Variants in GALNT10 observed in about 807,000 individuals in gnomAD.
GALNT10 encodes the protein GalNAc transferase 10.
GALNT10 carries 41 observed loss-of-function variants against 75.0 expected under a neutral mutation model. The ratio of observed to expected loss-of-function variants is 0.55; its 90% CI spans 0.43 to 0.71. The LOEUF is 0.71. GALNT10 is among the 30% of genes least tolerant of loss of function. The pLI is 0.00. For synonymous variants in GALNT10, 302 were observed against 313.0 expected, an observed-to-expected ratio of 0.96 and a Z score of 0.37; for missense variants, 727 against 818.5, an observed-to-expected ratio of 0.89 and a Z score of 1.36.
intron 1 of GALNT10, among the ~76,000 whole-genome samples, chr5:154,246,922 C>T (rs1193446754): frequency 1.3e-5 from 2 of 152,160 alleles, no homozygotes; most frequent in Non-Finnish European, 2.9e-5. Context: ...AGGTTTTCTT[C>T]TAGGGTTTTT....
chr5:154,349,398 A>G (rs1183210731), intron 4 of GALNT10: 1 of 152,132 alleles, frequency 6.6e-6, no homozygotes, highest in Non-Finnish European at 1.5e-5. Flanking sequence ...ATTCTGAAAT[A>G]TCAGAATTTC....
In GALNT10 at chr5:154,338,039, T is replaced by C; in HGVS notation, c.568+8301T>C. On this transcript the variant is annotated intron_variant, in intron 4 of 11. Coordinates refer to ENST00000297107, the MANE Select transcript of GALNT10 (RefSeq NM_198321.4). ...CAGTCATGATTGCAATCACTTCATT[T>C]TTCCATACTGTTCAAAATAATCTCT... 4.2e-6 allele frequency: 6 copies of C among 1,417,956 alleles called. No homozygotes were observed. The South Asian group carries it at 6.9e-5, about 16-fold the overall frequency. The allele number at this position is 1,417,956 out of a possible 1,614,324, so 87.8% of individuals were successfully genotyped here. A position where few individuals can be genotyped will look rare whatever the true frequency, so the allele number is the denominator to read the frequency against.
intron 4 of GALNT10, among the ~76,000 whole-genome samples, chr5:154,354,060 T>C (rs1755252637): frequency 6.6e-6 from 1 of 152,224 alleles, no homozygotes; most frequent in Admixed American, 6.5e-5. Context: ...TACTCTGTAT[T>C]CTAACCTACC....
chr5:154,361,674 A>C (rs1165121899), intron 4 of GALNT10, among the ~76,000 whole-genome samples: 2 of 152,264 alleles, frequency 1.3e-5, no homozygotes, highest in African/African-American at 4.8e-5. Context: ...AAGAACGTGA[A>C]AGCCTTAACA....
rs528185668 is a variant in GALNT10 at position 154,224,683 on chromosome 5, A to T, written c.159+33658A>T. 7.9e-5 allele frequency among the ~76,000 whole-genome samples: 12 copies of T among 151,968 alleles called. No individual in the cohort carries two copies. In the South Asian group the frequency reaches 1.0e-3, roughly 13 times the overall value. On this transcript the variant is annotated intron_variant, in intron 1 of 11. Coordinates refer to ENST00000297107, the MANE Select transcript of GALNT10 (RefSeq NM_198321.4). ...ATAAACAGTCATTTGATATTTATGG[A>T]GTATCTAATATGTTAATATGTGCCA... is the stretch of plus-strand genomic sequence containing the variant.
intron 4 of GALNT10, among the ~76,000 whole-genome samples, chr5:154,361,027 A>T (rs1464581103): frequency 6.6e-6 from 1 of 152,164 alleles, no homozygotes; most frequent in African/African-American, 2.4e-5. Flanking sequence ...AAGATTTATC[A>T]TTAGAGAGAA....
chr5:154,390,646 C>A (rs1024508031), intron 7 of GALNT10, among the ~76,000 whole-genome samples: 1 of 152,164 alleles, frequency 6.6e-6, no homozygotes, highest in African/African-American at 2.4e-5. Context: ...GTAAGTGTGT[C>A]CCTGGCCAGA....
Position 154,329,584 on chromosome 5 carries a change from G to C in GALNT10, c.414G>C (p.Lys138Asn). 6.2e-7 allele frequency: 1 copy of C among 1,613,846 alleles called. No homozygotes were observed. The highest frequency in any genetic ancestry group is 2.2e-5 in the East Asian group (1 of 44,874). Reference sequence around the variant, plus strand: ...TGTTTCCCTCTAGCTGCAACAGCAAGCGCTACCTGGAGACACTTCCCAACA... The same window carrying C: ...TGTTTCCCTCTAGCTGCAACAGCAACCGCTACCTGGAGACACTTCCCAACA... ...PDIRHPNCNS[K>N]RYLETLPNTS... Residue 138 changes from lysine to asparagine, a missense_variant, in exon 4 of 12, where the codon AAG (lysine) becomes AAC (asparagine). By Grantham distance (94) the Lys-to-Asn change is moderately conservative (BLOSUM62 0). Coordinates refer to ENST00000297107, the MANE Select transcript of GALNT10 (RefSeq NM_198321.4).
At chr5:154,210,432 C>G (rs1581919781) in intron 1 of GALNT10, among the ~76,000 whole-genome samples, 1 of 151,978 alleles carries the variant, frequency 6.6e-6, no homozygotes, top group East Asian at 1.9e-4. Context: ...TTGGCTAATT[C>G]TGCCTCACCC....
intron 3 of GALNT10, among the ~76,000 whole-genome samples, chr5:154,313,884 G>C (rs1347689362): frequency 6.6e-6 from 1 of 152,188 alleles, no homozygotes; most frequent in African/African-American, 2.4e-5. Flanking sequence ...TACCCACTAA[G>C]ACTCAGTTTC....
chr5:154,417,222 A>C lies in GALNT10; in HGVS notation c.*250A>C. On this transcript the variant is annotated 3_prime_UTR_variant, in exon 12 of 12. Coordinates refer to ENST00000297107, the MANE Select transcript of GALNT10 (RefSeq NM_198321.4). Reference sequence around the variant, plus strand: ...GCAGAGACTGCTTTAATCCCTGCTGACATCACGGAAAAGCAACAGAGCCTT... The same window carrying C: ...GCAGAGACTGCTTTAATCCCTGCTGCCATCACGGAAAAGCAACAGAGCCTT... 1 of 470,396 alleles carries C rather than the reference A, an allele frequency of 2.1e-6. No homozygotes were observed. The highest frequency in any genetic ancestry group is 3.8e-6 in the Non-Finnish European group (1 of 261,378). 29.1% of individuals were successfully genotyped at this position (470,396 alleles called of 1,614,324 possible).
intron 1 of GALNT10, among the ~76,000 whole-genome samples, chr5:154,210,203 CA>C (rs1775173065): frequency 6.6e-6 from 1 of 152,176 alleles, no homozygotes; most frequent in African/African-American, 2.4e-5. Context: ...CCCCTACCCA[CA>C]CTGTGCCCTC....
intron 1 of GALNT10, among the ~76,000 whole-genome samples, chr5:154,203,366 A>G (rs989520016): frequency 6.6e-6 from 1 of 152,174 alleles, no homozygotes; most frequent in Admixed American, 6.5e-5. Flanking sequence ...CACAATTTCA[A>G]GGAATTGTAT....
At chr5:154,400,656 C>A (rs1160323362) in intron 7 of GALNT10, among the ~76,000 whole-genome samples, 1 of 152,128 alleles carries the variant, frequency 6.6e-6, no homozygotes, top group African/African-American at 2.4e-5. Context: ...TATTTCACTT[C>A]TGGTAAAAGG....
chr5:154,308,496 T>G (rs1190048352), intron 3 of GALNT10, among the ~76,000 whole-genome samples: 1 of 152,174 alleles, frequency 6.6e-6, no homozygotes, highest in Non-Finnish European at 1.5e-5. Context: ...GTAACAAGAA[T>G]TGAGCTTTCC....
At chr5:154,222,958 A>G (rs1039177540) in intron 1 of GALNT10, among the ~76,000 whole-genome samples, 1 of 152,218 alleles carries the variant, frequency 6.6e-6, no homozygotes, top group East Asian at 1.9e-4. Context: ...TGGGGTTTCC[A>G]GGGATAAGTA....
chr5:154,266,841 A>G (rs1345875333), intron 1 of GALNT10, among the ~76,000 whole-genome samples: 2 of 152,218 alleles, frequency 1.3e-5, no homozygotes, highest in Non-Finnish European at 2.9e-5. Context: ...TGATTGTGCC[A>G]TTGCACTCCA....
chr5:154,240,464 A>G (rs899051357), intron 1 of GALNT10, among the ~76,000 whole-genome samples: 1 of 152,160 alleles, frequency 6.6e-6, no homozygotes, highest in African/African-American at 2.4e-5. Context: ...GCTTGACACA[A>G]TTTTGTGGAC....
At chr5:154,338,671 A>G (rs1020534762) in intron 4 of GALNT10, among the ~76,000 whole-genome samples, 2 of 152,208 alleles carry the variant, frequency 1.3e-5, no homozygotes, top group Non-Finnish European at 2.9e-5. Flanking sequence ...ACATTTAATC[A>G]TATGCAACTT....
Sources: gnomAD v4.1 joint callset for allele counts (sites outside exome capture counted in the v4.1 genomes callset) on GRCh38, gnomAD v4.1.1 for gene constraint, MANE v1.5 for transcripts, NCBI Gene and HGNC (gene_info 2026-07-23, HGNC 2026-07-21) for gene names.